Variants in GPBP1L1 observed in about 807,000 individuals in gnomAD.
The protein encoded by GPBP1L1 is GC-rich promoter binding protein 1 like 1.
A neutral mutation model predicts 52.5 loss-of-function variants in GPBP1L1; 23 were observed. The observed-to-expected ratio is 0.44, with a 90% CI of 0.32 to 0.62. The LOEUF is 0.62. Ranked by LOEUF, GPBP1L1 falls within the 20% of genes least tolerant of loss-of-function variation. GPBP1L1 has a pLI of 0.06. For missense variants in GPBP1L1, 596 were observed against 579.3 expected (o/e 1.03, Z -0.30); for synonymous variants, 243 against 203.1 (o/e 1.20, Z -1.67).
chr1:45,678,136 C>T (rs915077509), intron 2 of GPBP1L1, among the ~76,000 whole-genome samples: 2 of 152,028 alleles, frequency 1.3e-5, no homozygotes, highest in African/African-American at 4.8e-5. Context: ...GATTAGTGGT[C>T]GTCTAGAGCT....
chr1:45,643,626 C>T (rs1644702109), intron 6 of GPBP1L1, among the ~76,000 whole-genome samples: 1 of 136,306 alleles, frequency 7.3e-6, no homozygotes, highest in Admixed American at 7.4e-5. Context: ...CTAGCCCAAA[C>T]TTTACGATCT....
At chr1:45,641,047 TA>T (rs1644665192) in intron 7 of GPBP1L1, among the ~76,000 whole-genome samples, 1 of 151,204 alleles carries the variant, frequency 6.6e-6, no homozygotes, top group South Asian at 2.1e-4. Context: ...AAAAAACACC[TA>T]AAAGTAGCAG....
rs1396913774 is a variant in GPBP1L1, at chr1:45,642,513, G to A, written c.478-14C>T. ...ATTCAAGGAAGGCTAGGAAAAAAGG[G>A]ATATGAATGGTTGATACAGAAAGCT... On this transcript the variant is annotated splice_polypyrimidine_tract_variant and intron_variant, in intron 6 of 12. Transcript: ENST00000355105. 1.9e-6 allele frequency: 3 copies of A among 1,606,576 alleles called. No individual in the cohort carries two copies. Among genetic ancestry groups the A allele is most frequent in the Middle Eastern group, 3.3e-4 (2 of 6,066 alleles).
intron 2 of GPBP1L1, among the ~76,000 whole-genome samples, chr1:45,677,865 G>A (rs147786604): frequency 6.6e-6 from 1 of 152,266 alleles, no homozygotes; most frequent in East Asian, 1.9e-4. Context: ...ATGAAGATGA[G>A]GCACAAACAA....
chr1:45,671,053 CAA>C (rs1481478045), intron 2 of GPBP1L1, among the ~76,000 whole-genome samples: 2 of 152,056 alleles, frequency 1.3e-5, no homozygotes, highest in Non-Finnish European at 2.9e-5. Context: ...CTCAGCCTCC[CAA>C]AGTGCTGGGA....
intron 2 of GPBP1L1, among the ~76,000 whole-genome samples, chr1:45,670,351 A>G (rs1167700314): frequency 6.6e-6 from 1 of 152,224 alleles, no homozygotes; most frequent in East Asian, 1.9e-4. Flanking sequence ...TACGAATCCT[A>G]TGATTATATG....
Position 45,668,536 on chromosome 1 carries a change from C to A in GPBP1L1, c.-1097-7311G>T, listed in dbSNP as rs571044624. 6.6e-5 allele frequency among the ~76,000 whole-genome samples: 10 copies of A among 152,218 alleles called. No homozygotes were observed. The South Asian group carries it at 1.9e-3, about 28-fold the overall frequency. ...GGGCATGATGGCACACACCTGTAAT[C>A]CTAGCTAGTTGGGCTGTTGAGGCAC... is the stretch of plus-strand genomic sequence containing the variant. On this transcript the variant is annotated intron_variant, in intron 2 of 12. Coordinates refer to ENST00000355105, the MANE Select transcript of GPBP1L1 (RefSeq NM_021639.5).
At chr1:45,664,123 GA>G (rs1644979989) in intron 2 of GPBP1L1, among the ~76,000 whole-genome samples, 1 of 152,018 alleles carries the variant, frequency 6.6e-6, no homozygotes, top group Admixed American at 6.6e-5. Flanking sequence ...ACGAGGTCAG[GA>G]AATCGAGACC....
chr1:45,655,095 A>C (rs1368891785), intron 5 of GPBP1L1, 95 bp downstream of exon 5: 1 of 1,469,832 alleles, frequency 6.8e-7, no homozygotes. Flanking sequence ...TGTTCAGAAA[A>C]GATCCTATTT....
At chr1:45,671,146 G>C (rs1315383442) in intron 2 of GPBP1L1, among the ~76,000 whole-genome samples, 1 of 150,164 alleles carries the variant, frequency 6.7e-6, no homozygotes, top group Admixed American at 6.6e-5. Context: ...ATATGTATTA[G>C]AGCAAGGCCA....
At chr1:45,664,042 A>T (rs559539528) in intron 2 of GPBP1L1, among the ~76,000 whole-genome samples, 1 of 152,266 alleles carries the variant, frequency 6.6e-6, no homozygotes, top group East Asian at 1.9e-4. Context: ...ATTAAAAAAA[A>T]ATTTCTTGGG....
rs1569744036 is a variant in GPBP1L1, at chr1:45,630,421, A to C, written c.1169+61T>G. On this transcript the variant is annotated intron_variant, in intron 11 of 12. Transcript: ENST00000355105. ...CCTATCTATCTGAGATATCTTCTCC[A>C]GTATGTTCAAGGTCCTTAAAGGTCA... 2.5e-6 allele frequency: 4 copies of C among 1,571,872 alleles called. No individual in the cohort carries two copies. The East Asian group carries it at 9.0e-5, about 35-fold the overall frequency.
intron 6 of GPBP1L1, among the ~76,000 whole-genome samples, chr1:45,653,549 AG>A (rs1462717165): frequency 6.6e-6 from 1 of 151,962 alleles, no homozygotes; most frequent in Non-Finnish European, 1.5e-5. Context: ...TATAGAGACA[AG>A]GATCTTGCTG....
At chr1:45,654,863 T>C (rs2148470985) in intron 5 of GPBP1L1, 34 bp from the exon 6 acceptor site, 2 of 1,589,234 alleles carry the variant, frequency 1.3e-6, no homozygotes, top group East Asian at 2.3e-5. Flanking sequence ...AATTAGATTG[T>C]TTGCTTCCTG....
At chr1:45,647,427 C>G (rs923099972) in intron 6 of GPBP1L1, among the ~76,000 whole-genome samples, 1 of 152,176 alleles carries the variant, frequency 6.6e-6, no homozygotes, top group African/African-American at 2.4e-5. Flanking sequence ...TAGTGGCCAG[C>G]TAGCATGAAC....
At chr1:45,675,158 G>A (rs1183725198) in intron 2 of GPBP1L1, among the ~76,000 whole-genome samples, 2 of 151,964 alleles carry the variant, frequency 1.3e-5, no homozygotes, top group East Asian at 1.9e-4. Flanking sequence ...TTAGCTGGGC[G>A]TGGAGGTGCA....
Position 45,634,152 on chromosome 1 carries a change from A to G in GPBP1L1, c.829T>C (p.Ser277Pro). The G allele has an allele frequency of 6.2e-7, 1 of 1,614,066 alleles. No homozygotes were observed. Among genetic ancestry groups the G allele is most frequent in the Non-Finnish European group, 8.5e-7 (1 of 1,179,952 alleles). ...GCCAGTACCACTGGTTTGGTAACAGAGATTGGACTGGTAAAAGCAGACTCC... is the reference window on the plus strand; with the variant it reads ...GCCAGTACCACTGGTTTGGTAACAGGGATTGGACTGGTAAAAGCAGACTCC... ...SRESAFTSPI[S>P]VTKPVVLASG... The change falls in exon 9 of 13, where the codon TCT becomes CCT. Residue 277 changes from serine (S) to proline (P), a missense_variant. Physicochemically the swap from Ser to Pro is moderately conservative, Grantham distance 74. Coordinates refer to ENST00000355105, the MANE Select transcript of GPBP1L1 (RefSeq NM_021639.5).
At chr1:45,662,080 G>A (rs945413106) in intron 2 of GPBP1L1, among the ~76,000 whole-genome samples, 1 of 152,130 alleles carries the variant, frequency 6.6e-6, no homozygotes, top group African/African-American at 2.4e-5. Context: ...AATCTAACTT[G>A]TTAGGCACGG....
chr1:45,640,276 T>C lies in GPBP1L1; in HGVS notation c.678A>G (p.Lys226=). Residue 226 remains lysine, a synonymous_variant, in exon 8 of 13, where the codon AAA becomes AAG. Coordinates refer to ENST00000355105, the MANE Select transcript of GPBP1L1 (RefSeq NM_021639.5). ...AGACACTTGGAACCACGGATGACAA[T>C]TTGTTCCCATTTGCATGGTGAGATC... The part of the protein sequence containing the change: ...SPGSHHANGN[K]LSSVVPSVYK... 2.5e-6 allele frequency: 4 copies of C among 1,614,140 alleles called. No individual in the cohort carries two copies. The highest frequency in any genetic ancestry group is 3.4e-6 in the Non-Finnish European group (4 of 1,180,004).
Sources: allele counts gnomAD v4.1 joint callset (sites outside exome capture counted in the v4.1 genomes callset), GRCh38; gene constraint gnomAD v4.1.1; transcripts MANE v1.5; gene names NCBI Gene and HGNC (gene_info 2026-07-23, HGNC 2026-07-21).